Variants in RPSA2 observed in about 807,000 individuals in gnomAD.
RPSA2 encodes the protein small ribosomal subunit protein uS2B.
the RPSA2 span, among the ~76,000 whole-genome samples, chr19:23,764,040 A>G: frequency 6.6e-6 from 1 of 152,188 alleles, no homozygotes; most frequent in East Asian, 1.9e-4. Flanking sequence ...ATAAAATTCA[A>G]TTATGATTGA....
At chr19:23,806,421 GT>G in the RPSA2 span, among the ~76,000 whole-genome samples, 4 of 152,156 alleles carry the variant, frequency 2.6e-5, no homozygotes, top group East Asian at 7.7e-4. Flanking sequence ...GGTTCCTTCT[GT>G]GTTCTTAATG....
the RPSA2 span, among the ~76,000 whole-genome samples, chr19:23,868,832 A>G: frequency 1.3e-5 from 2 of 152,168 alleles, no homozygotes; most frequent in Non-Finnish European, 2.9e-5. Context: ...CATGGTGGCC[A>G]ACCATGGGCC....
At chr19:23,812,646 A>G in the RPSA2 span, among the ~76,000 whole-genome samples, 1 of 151,908 alleles carries the variant, frequency 6.6e-6, no homozygotes, top group Non-Finnish European at 1.5e-5. Context: ...TGATCTGCCC[A>G]CCTCAGCATC....
the RPSA2 span, chr19:23,763,003 C>T: frequency 6.6e-6 from 1 of 152,426 alleles, no homozygotes; most frequent in East Asian, 1.9e-4. Context: ...TTGCTCCCGC[C>T]AGAGTTTGGG....
At chr19:23,832,209 A>G in the RPSA2 span, 1 of 428,820 alleles carries the variant, frequency 2.3e-6, no homozygotes, top group South Asian at 1.8e-5. Flanking sequence ...TGCACAGAAG[A>G]AAGAAACTCT....
the RPSA2 span, among the ~76,000 whole-genome samples, chr19:23,813,232 CA>C: frequency 4.1e-5 from 5 of 120,986 alleles, no homozygotes; most frequent in South Asian, 2.8e-4. Flanking sequence ...GACCCTGTCT[CA>C]AAAAAAAAAA....
the RPSA2 span, among the ~76,000 whole-genome samples, chr19:23,845,412 G>A: frequency 6.6e-6 from 1 of 151,510 alleles, no homozygotes; most frequent in Admixed American, 6.6e-5. Flanking sequence ...TGCCCTCTTA[G>A]TACTATATTT....
At chr19:23,857,132 A>G in the RPSA2 span, among the ~76,000 whole-genome samples, 1 of 152,148 alleles carries the variant, frequency 6.6e-6, no homozygotes, top group African/African-American at 2.4e-5. Flanking sequence ...TTCTTTTCCT[A>G]GAGTATTAAT....
the RPSA2 span, among the ~76,000 whole-genome samples, chr19:23,802,318 A>G: frequency 0.98 from 148,975 of 152,306 alleles, 72,952 homozygotes; most frequent in Middle Eastern, 1. Flanking sequence ...ATGTGATACT[A>G]GAGTGTTATT....
At chr19:23,784,218 T>A in the RPSA2 span, among the ~76,000 whole-genome samples, 3 of 152,326 alleles carry the variant, frequency 2.0e-5, no homozygotes, top group East Asian at 5.8e-4. Flanking sequence ...GAATTACCAC[T>A]CTCTCACATC....
At chr19:23,838,541 A>AT in the RPSA2 span, among the ~76,000 whole-genome samples, 9 of 150,528 alleles carry the variant, frequency 6.0e-5, no homozygotes, top group Admixed American at 2.6e-4. Flanking sequence ...AATCTGTTGG[A>AT]TTTTTTTTTG....
chr19:23,790,382 GAA>G, the RPSA2 span, among the ~76,000 whole-genome samples: 1 of 151,842 alleles, frequency 6.6e-6, no homozygotes, highest in Non-Finnish European at 1.5e-5. Flanking sequence ...GAAAAAGAAA[GAA>G]AAAAGAGAAT....
At chr19:23,840,739 C>T in the RPSA2 span, among the ~76,000 whole-genome samples, 7,290 of 152,074 alleles carry the variant, frequency 0.048, 316 homozygotes, top group South Asian at 0.078. Context: ...GGGCAGATCA[C>T]CTGAGGTCAG....
the RPSA2 span, chr19:23,817,597 G>T: frequency 6.6e-6 from 1 of 152,172 alleles, no homozygotes; most frequent in Non-Finnish European, 1.5e-5. Context: ...GAGACACCCA[G>T]TAGGTGAAAC....
chr19:23,801,520 C>T, the RPSA2 span, among the ~76,000 whole-genome samples: 116 of 152,246 alleles, frequency 7.6e-4, no homozygotes, highest in Non-Finnish European at 1.4e-3. Flanking sequence ...GGATTACAGG[C>T]GTGAGCCACT....
chr19:23,826,178 ATTTTTTCTTTTTTTC>A, the RPSA2 span, among the ~76,000 whole-genome samples: 4 of 151,228 alleles, frequency 2.6e-5, no homozygotes, highest in Non-Finnish European at 4.4e-5. Context: ...CTAATTTTTA[ATTTTTTCTTTTTTTC>A]TTTTTTCTTT....
chr19:23,852,949 A>G, the RPSA2 span, among the ~76,000 whole-genome samples: 8 of 152,232 alleles, frequency 5.3e-5, no homozygotes, highest in African/African-American at 1.9e-4. Context: ...CAGCTTCTGT[A>G]ACTCAGCGGC....
At chr19:23,833,019 TAAC>T in the RPSA2 span, 1 of 1,403,660 alleles carries the variant, frequency 7.1e-7, no homozygotes, top group Non-Finnish European at 9.4e-7. Flanking sequence ...CAATTTTTGC[TAAC>T]CATAAGAGAA....
chr19:23,793,477 A>T, the RPSA2 span, among the ~76,000 whole-genome samples: 1 of 151,246 alleles, frequency 6.6e-6, no homozygotes, highest in South Asian at 2.1e-4. Flanking sequence ...TTGTTTGGAG[A>T]CAGGGTCTCA....
Sources: gnomAD v4.1 joint callset for allele counts (sites outside exome capture counted in the v4.1 genomes callset) on GRCh38, gnomAD v4.1.1 for gene constraint, MANE v1.5 for transcripts, NCBI Gene and HGNC (gene_info 2026-07-23, HGNC 2026-07-21) for gene names.